The following BST1 variants were observed in gnomAD, a reference collection of about 807,000 sequenced individuals.
BST1 encodes bone marrow stromal cell antigen 1, also known as ADP-ribosyl cyclase/cyclic ADP-ribose hydrolase 2.
Under a neutral mutation model 40.6 loss-of-function variants are expected in BST1, and 49 were observed. The observed-to-expected ratio is 1.21, with a 90% CI of 0.96 to 1.53. BST1 has a LOEUF of 1.53. BST1 is among the 40% of genes most tolerant of loss of function. The probability of loss-of-function intolerance (pLI) is 0.00; values close to 1 mark genes in which losing one functional copy is unlikely to be tolerated. For missense variants in BST1, 423 were observed against 395.9 expected, an observed-to-expected ratio of 1.07 and a Z score of -0.58; for synonymous variants, 157 against 159.3, an observed-to-expected ratio of 0.99 and a Z score of 0.11.
At chr4:15,740,121 T>C (rs141412910), downstream of BST1, among the ~76,000 whole-genome samples, 75 of 152,314 alleles carry the variant, frequency 4.9e-4, no homozygotes, top group Non-Finnish European at 8.1e-4. Flanking sequence ...TGGCACCGTC[T>C]CGTCTCACTG....
chr4:15,754,849 C>T, the BST1 span, among the ~76,000 whole-genome samples: 8 of 152,170 alleles, frequency 5.3e-5, no homozygotes, highest in Non-Finnish European at 1.2e-4. Flanking sequence ...TTCGGATGAC[C>T]ACTTGTTTAA....
chr4:15,712,172 CATT>C, intron 4 of BST1, among the ~76,000 whole-genome samples: 1 of 152,126 alleles, frequency 6.6e-6, no homozygotes, highest in African/African-American at 2.4e-5. Context: ...TCCTGGTTAT[CATT>C]AGTATTTCAA....
Position 15,704,399 on chromosome 4 carries a change from GATGT to G in BST1, c.188+1068_188+1071del, listed in dbSNP as rs371965851. ...AGGTGTGTGTGTTCTAGAGGTAAGG[GATGT>G]GTGTGTGTGTGTGTTCTAGAGGTGA... On this transcript the variant is annotated intron_variant, in intron 1 of 8. Coordinates refer to ENST00000265016, the MANE Select transcript of BST1 (RefSeq NM_004334.3). 7.2e-3 allele frequency among the ~76,000 whole-genome samples: 557 copies of G among 77,462 alleles called. 4 individuals carry two copies. The highest frequency in any genetic ancestry group is 0.021 in the African/African-American group (534 of 25,346). The allele number at this position is 77,462 out of a possible 152,430, so 50.8% of individuals were successfully genotyped here. A position where few individuals can be genotyped will look rare whatever the true frequency, so the allele number is the denominator to read the frequency against.
chr4:15,773,912 T>C, the BST1 span, among the ~76,000 whole-genome samples: 1 of 152,224 alleles, frequency 6.6e-6, no homozygotes, highest in African/African-American at 2.4e-5. Context: ...GACGTTTTTT[T>C]CTCCGTTATA....
At chr4:15,762,084 G>A in the BST1 span, among the ~76,000 whole-genome samples, 1 of 150,364 alleles carries the variant, frequency 6.7e-6, no homozygotes, top group Admixed American at 6.6e-5. Context: ...AGCTACTCGG[G>A]AGGCTGAGGC....
At chr4:15,773,917 G>A in the BST1 span, among the ~76,000 whole-genome samples, 2 of 151,974 alleles carry the variant, frequency 1.3e-5, no homozygotes, top group Non-Finnish European at 2.9e-5. Context: ...TTTTTTCTCC[G>A]TTATATTTAC....
intron 2 of BST1, 135 bp from the exon 3 acceptor site, chr4:15,707,370 CGAAAAA>C: frequency 1.1e-6 from 1 of 925,846 alleles, no homozygotes; most frequent in East Asian, 2.4e-5. Flanking sequence ...ATAAAGACAA[CGAAAAA>C]GAACGTTCAG....
intron 8 of BST1, among the ~76,000 whole-genome samples, chr4:15,730,777 C>T (rs1721329518): frequency 6.6e-6 from 1 of 152,154 alleles, no homozygotes; most frequent in South Asian, 2.1e-4. Context: ...GTGTTCATTG[C>T]ATTCCTGGAA....
the BST1 span, among the ~76,000 whole-genome samples, chr4:15,761,992 G>A: frequency 6.6e-6 from 1 of 151,400 alleles, no homozygotes; most frequent in African/African-American, 2.4e-5. Context: ...GGCGGATCAC[G>A]AGCCTGGCCA....
chr4:15,773,993 T>G, the BST1 span, among the ~76,000 whole-genome samples: 20 of 152,216 alleles, frequency 1.3e-4, no homozygotes, highest in Non-Finnish European at 2.9e-5. Context: ...CTCAGTACCT[T>G]AGAATGTGGC....
chr4:15,759,507 C>A, the BST1 span, among the ~76,000 whole-genome samples: 1 of 151,842 alleles, frequency 6.6e-6, no homozygotes, highest in African/African-American at 2.4e-5. Flanking sequence ...TTTTCTTCTA[C>A]CTTAACTTCT....
In BST1 at chr4:15,703,088, TAGA is replaced by T. The variant is rs1719624816; in HGVS notation, c.-54_-52del. 5 of 1,506,624 alleles carry T rather than the reference TAGA, an allele frequency of 3.3e-6. No individual in the cohort carries two copies. The highest frequency in any genetic ancestry group is 4.4e-6 in the Non-Finnish European group (5 of 1,136,364). The allele number at this position is 1,506,624 out of a possible 1,614,324, so 93.3% of individuals were successfully genotyped here. A position where few individuals can be genotyped will look rare whatever the true frequency, so the allele number is the denominator to read the frequency against. ...GCATCAGTTTGCGGAACCGCCTTGG[TAGA>T]AGGAGAGAAGGGGAGTGGAGGAAGC... On this transcript the variant is annotated 5_prime_UTR_variant, in exon 1 of 9. Coordinates refer to ENST00000265016, the MANE Select transcript of BST1 (RefSeq NM_004334.3).
At chr4:15,755,725 G>A in the BST1 span, among the ~76,000 whole-genome samples, 3 of 152,090 alleles carry the variant, frequency 2.0e-5, no homozygotes, top group African/African-American at 7.2e-5. Flanking sequence ...CAGTGATGAA[G>A]GTCTTAGAGT....
chr4:15,768,286 C>T, the BST1 span, among the ~76,000 whole-genome samples: 1 of 152,094 alleles, frequency 6.6e-6, no homozygotes. Context: ...TTAAACAATG[C>T]GCTAAATGTG....
the BST1 span, among the ~76,000 whole-genome samples, chr4:15,772,007 G>C: frequency 2.7e-5 from 4 of 148,864 alleles, no homozygotes; most frequent in Non-Finnish European, 6.0e-5. Context: ...AACAATGAAG[G>C]TCTCTCTCTC....
chr4:15,732,030 T>A lies in BST1; in HGVS notation c.*185T>A. 7.7e-7 allele frequency: 1 copy of A among 1,298,830 alleles called. No homozygotes were observed. Among genetic ancestry groups the A allele is most frequent in the East Asian group, 3.1e-5 (1 of 32,556 alleles). The allele number at this position is 1,298,830 out of a possible 1,614,324, so 80.5% of individuals were successfully genotyped here. On this transcript the variant is annotated 3_prime_UTR_variant, in exon 9 of 9. Transcript: ENST00000265016. ...GATTTCAGAAACAAGAAGTTAGTTC[T>A]ATTTAGCAGGTTAAAAAATGCTGCA...
chr4:15,733,039 G>C (rs1293805078), downstream of BST1, among the ~76,000 whole-genome samples: 1 of 152,206 alleles, frequency 6.6e-6, no homozygotes, highest in Admixed American at 6.5e-5. Flanking sequence ...CGGACCCAAA[G>C]AGTGAGCAGC....
At chr4:15,728,454 T>C (rs1471483277) in intron 8 of BST1, among the ~76,000 whole-genome samples, 6 of 147,372 alleles carry the variant, frequency 4.1e-5, no homozygotes, top group East Asian at 2.0e-4. Flanking sequence ...TTTTTCTTTT[T>C]TTTTTTTTTT....
chr4:15,748,967 G>A, the BST1 span, among the ~76,000 whole-genome samples: 3 of 152,184 alleles, frequency 2.0e-5, no homozygotes, highest in Non-Finnish European at 2.9e-5. Context: ...AGGATGAGAC[G>A]AGGGAGGGAA....
Sources: allele counts gnomAD v4.1 joint callset (sites outside exome capture counted in the v4.1 genomes callset), GRCh38; gene constraint gnomAD v4.1.1; transcripts MANE v1.5; gene names NCBI Gene and HGNC (gene_info 2026-07-23, HGNC 2026-07-21).